AGO4: variants seen among roughly 807,000 people sequenced by gnomAD.
AGO4 encodes the protein argonaute RISC component 4.
In AGO4, 33 loss-of-function variants were observed where a neutral mutation model predicts 104.7. That is an observed-to-expected ratio of 0.32 (90% CI 0.24 to 0.42). AGO4 has a LOEUF of 0.42. Among genes scored for constraint, AGO4 ranks in the 10% least tolerant of loss-of-function variants. The probability of loss-of-function intolerance (pLI) is 1.00; values close to 1 mark genes in which losing one functional copy is unlikely to be tolerated. For missense variants in AGO4, 711 were observed against 1,083.4 expected (o/e 0.66, Z 4.83); for synonymous variants, 331 against 364.7 (o/e 0.91, Z 1.05).
At position 35,825,684 on chromosome 1, in the gene AGO4, C is replaced by T. The variant is rs141882799; in HGVS notation, c.494C>T (p.Thr165Ile). The T allele has an allele frequency of 1.3e-6, 2 of 1,550,088 alleles. No individual in the cohort carries two copies. The highest frequency in any genetic ancestry group is 1.7e-6 in the Non-Finnish European group (2 of 1,154,146). ...ITRHLPSMRY[T>I]PVGRSFFSPP... ...GCAAACTCTTATTTCTTCAGGTACACCCCAGTGGGCCGTTCCTTTTTCTCA... is the reference window on the plus strand; with the variant it reads ...GCAAACTCTTATTTCTTCAGGTACATCCCAGTGGGCCGTTCCTTTTTCTCA... Residue 165 changes from threonine (T) to isoleucine (I), a missense_variant, in exon 5 of 18, where the codon ACC (threonine) becomes ATC (isoleucine). Coordinates refer to ENST00000373210, the MANE Select transcript of AGO4 (RefSeq NM_017629.4).
chr1:35,827,764 C>CT (rs1448574863), intron 7 of AGO4, among the ~76,000 whole-genome samples: 2 of 140,882 alleles, frequency 1.4e-5, no homozygotes, highest in African/African-American at 5.3e-5. Flanking sequence ...TCATTATAAG[C>CT]TTTTTTTTAT....
chr1:35,834,194 T>C lies in AGO4; in HGVS notation c.1564+20T>C. ...TATATGGTATGGACCCTTTTAATGCTGAATGAGGGATGATTTCAAGCAGTA... is the reference window on the plus strand; with the variant it reads ...TATATGGTATGGACCCTTTTAATGCCGAATGAGGGATGATTTCAAGCAGTA... On this transcript the variant is annotated intron_variant, in intron 12 of 17. Coordinates refer to ENST00000373210, the MANE Select transcript of AGO4 (RefSeq NM_017629.4). The C allele has an allele frequency of 2.0e-6, 3 of 1,493,750 alleles. No homozygotes were observed. The highest frequency in any genetic ancestry group is 2.3e-5 in the Admixed American group (1 of 43,808). 92.5% of individuals were successfully genotyped at this position (1,493,750 alleles called of 1,614,324 possible). A position where few individuals can be genotyped will look rare whatever the true frequency, so the allele number is the denominator to read the frequency against.
At chr1:35,819,710 TC>T in intron 2 of AGO4, among the ~76,000 whole-genome samples, 1 of 125,316 alleles carries the variant, frequency 8.0e-6, no homozygotes, top group Non-Finnish European at 1.6e-5. Context: ...GTCAGCCTAT[TC>T]GACAGAGTGA....
At chr1:35,835,325 G>A (rs1173448383) in intron 12 of AGO4, among the ~76,000 whole-genome samples, 1 of 152,194 alleles carries the variant, frequency 6.6e-6, no homozygotes, top group Non-Finnish European at 1.5e-5. Flanking sequence ...CCAAAGTGCT[G>A]AGATTACAGA....
intron 2 of AGO4, among the ~76,000 whole-genome samples, chr1:35,819,433 TA>T (rs1056612671): frequency 6.6e-6 from 1 of 150,926 alleles, no homozygotes; most frequent in Non-Finnish European, 1.5e-5. Context: ...CTGTCTATAT[TA>T]AAAAAAACAA....
At chr1:35,838,991 A>AT (rs2148675436) in intron 13 of AGO4, among the ~76,000 whole-genome samples, 1 of 150,402 alleles carries the variant, frequency 6.6e-6, no homozygotes, top group Admixed American at 6.6e-5. Flanking sequence ...TTATTTATTT[A>AT]TTTTTTTGAG....
intron 13 of AGO4, among the ~76,000 whole-genome samples, chr1:35,836,676 T>C (rs2148673120): frequency 6.6e-6 from 1 of 152,368 alleles, no homozygotes; most frequent in South Asian, 2.1e-4. Flanking sequence ...CCCAAAGTGC[T>C]GGGATTACAG....
chr1:35,816,255 G>A lies in AGO4; in HGVS notation c.20-627G>A, dbSNP rs368769674. ...TAGTTTTTAAAATGCATATAATTTT[G>A]TAAGTCTAGCTATAGAGCTTTACTA... On this transcript the variant is annotated intron_variant, in intron 1 of 17. Transcript: ENST00000373210. 2.9e-4 allele frequency among the ~76,000 whole-genome samples: 44 copies of A among 152,258 alleles called. No individual in the cohort carries two copies. In the East Asian group the frequency reaches 6.4e-3, roughly 22 times the overall value.
intron 1 of AGO4, among the ~76,000 whole-genome samples, chr1:35,813,999 C>T (rs1427294684): frequency 2.7e-5 from 4 of 150,664 alleles, no homozygotes; most frequent in South Asian, 2.1e-4. Flanking sequence ...CTCTTGAACC[C>T]GGGAGGCGGA....
At chr1:35,838,558 A>G (rs1644367817) in intron 13 of AGO4, among the ~76,000 whole-genome samples, 1 of 152,214 alleles carries the variant, frequency 6.6e-6, no homozygotes, top group African/African-American at 2.4e-5. Context: ...TCCTTTTAAG[A>G]AACCCTGTCT....
At chr1:35,819,036 G>T (rs954677939) in intron 2 of AGO4, among the ~76,000 whole-genome samples, 8 of 152,180 alleles carry the variant, frequency 5.3e-5, no homozygotes, top group Non-Finnish European at 1.0e-4. Flanking sequence ...GTTTAGACTT[G>T]AGTAGTATAA....
intron 13 of AGO4, among the ~76,000 whole-genome samples, chr1:35,836,491 G>A (rs1396264337): frequency 6.6e-6 from 1 of 152,114 alleles, no homozygotes; most frequent in African/African-American, 2.4e-5. Context: ...CTTACTGCAA[G>A]CTCCGCCTCC....
At chr1:35,851,284 T>C (rs1468751180) in intron 17 of AGO4, 9 of 544,670 alleles carry the variant, frequency 1.7e-5, no homozygotes, top group South Asian at 4.2e-5. Flanking sequence ...TTGGAGCTGC[T>C]TGTGGTTCTC....
rs1312886360 is a variant in AGO4 at position 35,841,307 on chromosome 1, G to A, written c.1867G>A (p.Val623Met). The A allele has an allele frequency of 6.2e-7, 1 of 1,614,160 alleles. No individual in the cohort carries two copies. The change falls in exon 14 of 18, where the codon GTG (valine) becomes ATG (methionine). Residue 623 changes from valine (V) to methionine (M), a missense_variant. Transcript: ENST00000373210. The surrounding 1 kb of genome is among the most constrained non-coding windows in gnomAD (Gnocchi z 4.7). ...CAGCCGGTACTGTGCCACCGTTCGGGTGCAGACTTCCCGGCAGGAGATCTC... is the reference window on the plus strand; with the variant it reads ...CAGCCGGTACTGTGCCACCGTTCGGATGCAGACTTCCCGGCAGGAGATCTC... ...HPSRYCATVR[V>M]QTSRQEISQE... is the part of the protein sequence containing the mutation.
In AGO4 at chr1:35,852,867, T is replaced by C. The variant is rs1414048879; in HGVS notation, c.2478-630T>C. Among the ~76,000 whole-genome samples the C allele has an allele frequency of 2.0e-5, 3 of 152,048 alleles. No homozygotes were observed. In the East Asian group the frequency reaches 5.8e-4, roughly 29 times the overall value. On this transcript the variant is annotated intron_variant, in intron 17 of 17. Coordinates refer to ENST00000373210, the MANE Select transcript of AGO4 (RefSeq NM_017629.4). ...GAAGCCTAAAGAAATTAGCCAGACA[T>C]AGTGGGCAGTGGAAATCTTTATATG...
In AGO4 at chr1:35,841,380, T is replaced by C. The variant is rs556175864; in HGVS notation, c.1940T>C (p.Met647Thr). Residue 647 changes from methionine (M) to threonine (T), a missense_variant, in exon 14 of 18, where the codon ATG (methionine) becomes ACG (threonine). By Grantham distance (81) the Met-to-Thr change is moderately conservative (BLOSUM62 -1). This residue lies in a region of AGO4 where 401 missense variants were observed against 665.5 expected (regional missense o/e 0.60). Coordinates refer to ENST00000373210, the MANE Select transcript of AGO4 (RefSeq NM_017629.4). This position sits in a 1 kb window ranked among gnomAD's most constrained non-coding sequence, Gnocchi z 4.7. ...SQEVIQDLTNMVRELLIQFYK... is the reference protein window; with the variant it reads ...SQEVIQDLTNTVRELLIQFYK... ...GAGGTCATCCAGGACCTGACTAACATGGTTCGAGAGCTGCTGATTCAGTTC... is the reference window on the plus strand; with the variant it reads ...GAGGTCATCCAGGACCTGACTAACACGGTTCGAGAGCTGCTGATTCAGTTC... 1.4e-5 allele frequency: 22 copies of C among 1,614,186 alleles called. No individual in the cohort carries two copies. The highest frequency in any genetic ancestry group is 1.9e-5 in the Non-Finnish European group (22 of 1,180,030).
intron 10 of AGO4, 35 bp from the exon 11 acceptor site, chr1:35,832,402 T>G: frequency 6.5e-7 from 1 of 1,543,954 alleles, no homozygotes; most frequent in Non-Finnish European, 8.7e-7. Flanking sequence ...TTTTGTTTCT[T>G]CTTCTTCTTC....
chr1:35,812,866 A>G (rs1643554720), intron 1 of AGO4, among the ~76,000 whole-genome samples: 2 of 151,656 alleles, frequency 1.3e-5, no homozygotes. Context: ...TGCTGGGATT[A>G]CAGGCATGAG....
rs770166564 is a variant in AGO4 at position 35,854,281 on chromosome 1, T to C, written c.*676T>C. On this transcript the variant is annotated 3_prime_UTR_variant, in exon 18 of 18. Coordinates refer to ENST00000373210, the MANE Select transcript of AGO4 (RefSeq NM_017629.4). The stretch of plus-strand genomic sequence containing the variant: ...GGCAGTTCTCTTATTTGGTCGACTT[T>C]TGTGAATGTGTGACATAAACAGATG... The C allele has an allele frequency of 2.0e-5, 3 of 152,648 alleles. No individual in the cohort carries two copies. Among genetic ancestry groups the C allele is most frequent in the Non-Finnish European group, 2.9e-5 (2 of 68,038 alleles). 9.5% of individuals were successfully genotyped at this position (152,648 alleles called of 1,614,324 possible). A position where few individuals can be genotyped will look rare whatever the true frequency, so the allele number is the denominator to read the frequency against.
Sources: allele counts gnomAD v4.1 joint callset (sites outside exome capture counted in the v4.1 genomes callset), GRCh38; gene constraint gnomAD v4.1.1; regional missense constraint gnomAD v4.1.1; non-coding constraint Gnocchi (gnomAD v3.1); transcripts MANE v1.5; gene names NCBI Gene and HGNC (gene_info 2026-07-23, HGNC 2026-07-21).